SEPTIN9: variants seen among roughly 807,000 people sequenced by gnomAD.
SEPTIN9 encodes the protein septin-9.
Under a neutral mutation model 56.6 loss-of-function variants are expected in SEPTIN9, and 13 were observed. The observed-to-expected ratio is 0.23, with a 90% confidence interval of 0.15 to 0.37. SEPTIN9 has a LOEUF of 0.37. Ranked by LOEUF, SEPTIN9 falls within the 10% of genes least tolerant of loss-of-function variation. The probability of loss-of-function intolerance (pLI) is 1.00; values close to 1 mark genes in which losing one functional copy is unlikely to be tolerated. For missense variants in SEPTIN9, 650 were observed against 823.1 expected (o/e 0.79, Z 2.57); for synonymous variants, 332 against 334.1 (o/e 0.99, Z 0.07).
intron 3 of SEPTIN9, among the ~76,000 whole-genome samples, chr17:77,408,753 G>A (rs560507657): frequency 2.6e-5 from 4 of 152,292 alleles, no homozygotes; most frequent in East Asian, 3.9e-4. Flanking sequence ...ATCAGGGACT[G>A]TGAAGTTGGG....
chr17:77,419,350 C>T (rs1233313703), intron 3 of SEPTIN9, among the ~76,000 whole-genome samples: 4 of 130,832 alleles, frequency 3.1e-5, no homozygotes, highest in South Asian at 4.6e-4. Context: ...GTAACAGGCC[C>T]GTGGTCAGCA....
chr17:77,326,638 A>G lies in SEPTIN9; in HGVS notation c.76+19441A>G, dbSNP rs561945869. Among the ~76,000 whole-genome samples, 21 of 152,284 alleles carry G rather than the reference A, an allele frequency of 1.4e-4. No individual in the cohort carries two copies. Among genetic ancestry groups the G allele is most frequent in the Middle Eastern group, 6.8e-3 (2 of 294 alleles). ...AAATATACACTTGGTTTTCATCTCCATTTCCTGGCACACAACTCCTAAAAT... is the reference window on the plus strand; with the variant it reads ...AAATATACACTTGGTTTTCATCTCCGTTTCCTGGCACACAACTCCTAAAAT... On this transcript the variant is annotated intron_variant, in intron 2 of 11. Coordinates refer to ENST00000427177, the MANE Select transcript of SEPTIN9 (RefSeq NM_001113491.2). The surrounding 1 kb of genome is among the most constrained non-coding windows in gnomAD (Gnocchi z 5.1).
chr17:77,307,161 G>T lies in SEPTIN9; in HGVS notation c.40G>T (p.Gly14Cys), dbSNP rs769101499. 3 of 1,613,814 alleles carry T rather than the reference G, an allele frequency of 1.9e-6. No individual in the cohort carries two copies. Among genetic ancestry groups the T allele is most frequent in the Non-Finnish European group, 8.5e-7 (1 of 1,179,880 alleles). The change falls in exon 2 of 12, where the codon GGC becomes TGC. Residue 14 changes from glycine (G) to cysteine (C), a missense_variant. Coordinates refer to ENST00000427177, the MANE Select transcript of SEPTIN9 (RefSeq NM_001113491.2). ...TTTAGGAGGCACGCGGACCTCCAGT[G>T]GCCGGCTCCGGAGGCTTGGTGACTC... is the stretch of plus-strand genomic sequence containing the variant. ...SYSGGTRTSS[G>C]RLRRLGDSSG... is the part of the protein sequence containing the mutation.
At chr17:77,354,802 T>C (rs1477422916) in intron 2 of SEPTIN9, among the ~76,000 whole-genome samples, 1 of 152,088 alleles carries the variant, frequency 6.6e-6, no homozygotes, top group Middle Eastern at 3.2e-3. Context: ...TGACGCCTGC[T>C]TGTTGCACTT....
intron 3 of SEPTIN9, among the ~76,000 whole-genome samples, chr17:77,430,862 A>G (rs1385430279): frequency 6.6e-6 from 1 of 152,048 alleles, no homozygotes; most frequent in African/African-American, 2.4e-5. Flanking sequence ...ATGGTGGTGC[A>G]CGCTTGTAAT....
chr17:77,480,982 G>A (rs888066973), intron 3 of SEPTIN9, among the ~76,000 whole-genome samples: 3 of 152,224 alleles, frequency 2.0e-5, no homozygotes, highest in African/African-American at 7.2e-5. Context: ...CCACCTCTGT[G>A]ACCAGCGAGT....
At chr17:77,485,670 C>T (rs1303149551) in intron 4 of SEPTIN9, among the ~76,000 whole-genome samples, 1 of 151,934 alleles carries the variant, frequency 6.6e-6, no homozygotes, top group Non-Finnish European at 1.5e-5. Context: ...TGAGGTTGGC[C>T]AGGACACAGA....
intron 3 of SEPTIN9, among the ~76,000 whole-genome samples, chr17:77,409,078 C>G (rs557899488): frequency 1.3e-5 from 2 of 152,098 alleles, no homozygotes; most frequent in Non-Finnish European, 2.9e-5. Flanking sequence ...ACGTTCCTGC[C>G]GGGATGCCTT....
intron 11 of SEPTIN9, 98 bp from the exon 12 acceptor site, chr17:77,498,425 C>A: frequency 1.4e-6 from 1 of 728,576 alleles, no homozygotes; most frequent in Non-Finnish European, 2.4e-6. Context: ...TGGGGGCAGG[C>A]GGGCCTGAGT....
rs1375202755 is a variant in SEPTIN9 at position 77,499,707 on chromosome 17, A to G, written c.*1049A>G. On this transcript the variant is annotated 3_prime_UTR_variant, in exon 12 of 12. Transcript: ENST00000427177. ...GTCTAGTGTCTGGGTTTGGCCCAAG[A>G]CTGGGCTGTAGTTACATTAATGCCC... 2 of 376,338 alleles carry G rather than the reference A, an allele frequency of 5.3e-6. No individual in the cohort carries two copies. Among genetic ancestry groups the G allele is most frequent in the East Asian group, 4.7e-5 (1 of 21,202 alleles). The allele number at this position is 376,338 out of a possible 1,614,324, so 23.3% of individuals were successfully genotyped here.
chr17:77,398,795 G>A (rs544633501), intron 2 of SEPTIN9, among the ~76,000 whole-genome samples: 1 of 152,332 alleles, frequency 6.6e-6, no homozygotes, highest in African/African-American at 2.4e-5. Context: ...CGTCCTGATG[G>A]TGGGGTGGCC....
At chr17:77,416,596 A>G (rs67415822) in intron 3 of SEPTIN9, among the ~76,000 whole-genome samples, 56,921 of 152,058 alleles carry the variant, frequency 0.37, 11,221 homozygotes, top group African/African-American at 0.43. Flanking sequence ...AGACCTTCCC[A>G]GTCCTGCATC....
chr17:77,407,313 A>C (rs1292183794), intron 3 of SEPTIN9, among the ~76,000 whole-genome samples: 3 of 141,542 alleles, frequency 2.1e-5, no homozygotes, highest in Non-Finnish European at 4.7e-5. Context: ...AAAAAATCCC[A>C]TAAGATACCA....
chr17:77,319,988 C>A lies in SEPTIN9; in HGVS notation c.76+12791C>A, dbSNP rs1036356921. The A allele has an allele frequency of 1.6e-6, 2 of 1,235,376 alleles. No individual in the cohort carries two copies. The highest frequency in any genetic ancestry group is 3.1e-5 in the African/African-American group (2 of 65,508). 76.5% of individuals were successfully genotyped at this position (1,235,376 alleles called of 1,614,324 possible). On this transcript the variant is annotated intron_variant, in intron 2 of 11. Coordinates refer to ENST00000427177, the MANE Select transcript of SEPTIN9 (RefSeq NM_001113491.2). This position sits in a 1 kb window ranked among gnomAD's most constrained non-coding sequence, Gnocchi z 5.3. ...GACTCTGGGACTCTCGCAGGCAGAC[C>A]CGGTGGTCTGCCGGACTCCTCGGGG...
chr17:77,294,298 T>C (rs2031706692), intron 1 of SEPTIN9, among the ~76,000 whole-genome samples: 1 of 151,952 alleles, frequency 6.6e-6, no homozygotes, highest in South Asian at 2.1e-4. Context: ...CGCACGCCTG[T>C]AATCCCAGCT....
At position 77,369,549 on chromosome 17, in the gene SEPTIN9, TGAG is replaced by T. The variant is rs2034659880; in HGVS notation, c.77-32508_77-32506del. On this transcript the variant is annotated intron_variant, in intron 2 of 11. Transcript: ENST00000427177. The surrounding 1 kb of genome is among the most constrained non-coding windows in gnomAD (Gnocchi z 4.9). ...CCTAAGATGAGGGGCTGTGGGAACT[TGAG>T]GGGCTGTGGAAGGCTCTGCCACTGA... Among the ~76,000 whole-genome samples the T allele has an allele frequency of 6.6e-6, 1 of 152,128 alleles. No individual in the cohort carries two copies. The highest frequency in any genetic ancestry group is 2.1e-4 in the South Asian group (1 of 4,818).
chr17:77,295,227 T>C (rs543001632), intron 1 of SEPTIN9, among the ~76,000 whole-genome samples: 4 of 152,328 alleles, frequency 2.6e-5, no homozygotes, highest in African/African-American at 7.2e-5. Context: ...TTAGGGCCCT[T>C]CTCAGTGCCT....
Position 77,320,693 on chromosome 17 carries a change from G to C in SEPTIN9, c.76+13496G>C, listed in dbSNP as rs549363232. Among the ~76,000 whole-genome samples, 20 of 152,350 alleles carry C rather than the reference G, an allele frequency of 1.3e-4. 1 individual carries two copies. Among genetic ancestry groups the C allele is most frequent in the African/African-American group, 4.6e-4 (19 of 41,594 alleles). On this transcript the variant is annotated intron_variant, in intron 2 of 11. Transcript: ENST00000427177. ...GACCTGCCCCCCTGGCTCGGGTCTGGGGCGGCGGCGCTTGGACCTGGCTGG... is the reference window on the plus strand; with the variant it reads ...GACCTGCCCCCCTGGCTCGGGTCTGCGGCGGCGGCGCTTGGACCTGGCTGG...
rs547467253 is a variant in SEPTIN9, at chr17:77,414,857, C to T, written c.721+12154C>T. Among the ~76,000 whole-genome samples the T allele has an allele frequency of 3.3e-5, 5 of 152,274 alleles. No homozygotes were observed. In the South Asian group the frequency reaches 8.3e-4, roughly 25 times the overall value. On this transcript the variant is annotated intron_variant, in intron 3 of 11. Transcript: ENST00000427177. Reference sequence around the variant, plus strand: ...CCTCCCAAAGTTCTGGAATTACAGGCGTGAGCTACTGCGCCTGGCCGATTC... The same window carrying T: ...CCTCCCAAAGTTCTGGAATTACAGGTGTGAGCTACTGCGCCTGGCCGATTC...
Sources: allele counts gnomAD v4.1 joint callset (sites outside exome capture counted in the v4.1 genomes callset), GRCh38; gene constraint gnomAD v4.1.1; non-coding constraint Gnocchi (gnomAD v3.1); transcripts MANE v1.5; gene names NCBI Gene and HGNC (gene_info 2026-07-23, HGNC 2026-07-21).